MCPH1: variants seen among roughly 807,000 people sequenced by gnomAD.
The protein encoded by MCPH1 is microcephalin 1.
MCPH1 carries 104 observed loss-of-function variants against 84.5 expected under a neutral mutation model. The observed-to-expected ratio is 1.23, with a 90% CI of 1.05 to 1.45. The LOEUF (loss-of-function observed/expected upper bound fraction) is 1.45, where lower values mean the gene tolerates loss of function less well. MCPH1 is among the 40% of genes most tolerant of loss of function. The pLI is 0.00. For synonymous variants in MCPH1, 514 were observed against 366.8 expected, an observed-to-expected ratio of 1.40 and a Z score of -4.58; for missense variants, 1,498 against 1,005.7, an observed-to-expected ratio of 1.49 and a Z score of -6.62.
chr8:6,412,113 G>A (rs1362630928), intron 2 of MCPH1, among the ~76,000 whole-genome samples: 1 of 152,174 alleles, frequency 6.6e-6, no homozygotes, highest in African/African-American at 2.4e-5. Flanking sequence ...TAAGAGCCTT[G>A]TTTGACCTCC....
intron 12 of MCPH1, among the ~76,000 whole-genome samples, chr8:6,595,846 G>T (rs1182210161): frequency 6.6e-6 from 1 of 152,176 alleles, no homozygotes; most frequent in Admixed American, 6.5e-5. Context: ...AATTGGGCAG[G>T]CAACGGCCCT....
rs74552201 is a variant in MCPH1, at chr8:6,553,793, C to G, written c.2214+53864C>G. Among the ~76,000 whole-genome samples, 861 of 152,018 alleles carry G rather than the reference C, an allele frequency of 5.7e-3. 14 individuals are homozygous for G. The highest frequency in any genetic ancestry group is 0.053 in the East Asian group (272 of 5,160). On this transcript the variant is annotated intron_variant, in intron 12 of 13. Coordinates refer to ENST00000344683, the MANE Select transcript of MCPH1 (RefSeq NM_024596.5). Reference sequence around the variant, plus strand: ...TTTTGGGACTTCTTGAGCAGAAAAGCGAATGTCAGACGGTCCTTATAAAGT... The same window carrying G: ...TTTTGGGACTTCTTGAGCAGAAAAGGGAATGTCAGACGGTCCTTATAAAGT...
intron 3 of MCPH1, among the ~76,000 whole-genome samples, chr8:6,421,542 A>G (rs1800200116): frequency 6.6e-6 from 1 of 152,046 alleles, no homozygotes; most frequent in South Asian, 2.1e-4. Context: ...AGAATGGTTA[A>G]GAGAAAAAAA....
chr8:6,466,598 C>G (rs1005183780), intron 9 of MCPH1, among the ~76,000 whole-genome samples: 1 of 152,160 alleles, frequency 6.6e-6, no homozygotes, highest in Non-Finnish European at 1.5e-5. Flanking sequence ...TGAGCCACCA[C>G]GCGCAGCCCT....
intron 11 of MCPH1, among the ~76,000 whole-genome samples, chr8:6,492,720 T>C (rs981835129): frequency 2.8e-4 from 37 of 132,228 alleles, no homozygotes; most frequent in Non-Finnish European, 5.4e-4. Context: ...TATTTTATAT[T>C]AAATTATCAA....
intron 12 of MCPH1, among the ~76,000 whole-genome samples, chr8:6,592,598 G>C (rs6993124): frequency 0.23 from 32,555 of 143,698 alleles, 3,949 homozygotes; most frequent in Middle Eastern, 0.32. Context: ...AGTCATCTAG[G>C]CTCTCGTTTT....
At chr8:6,508,818 T>G in intron 12 of MCPH1, 1 of 1,410,924 alleles carries the variant, frequency 7.1e-7, no homozygotes, top group Non-Finnish European at 1.0e-6. Flanking sequence ...TGTGTCTACG[T>G]ATGAAATTGT....
chr8:6,596,615 A>T (rs1307702978), intron 12 of MCPH1, among the ~76,000 whole-genome samples: 3 of 152,052 alleles, frequency 2.0e-5, no homozygotes. Context: ...GTATGAGGGC[A>T]TGATGAGGGG....
chr8:6,561,918 G>A (rs928870851), intron 12 of MCPH1, among the ~76,000 whole-genome samples: 5 of 152,182 alleles, frequency 3.3e-5, no homozygotes, highest in African/African-American at 7.2e-5. Context: ...CAGACAGACC[G>A]TCCTGTCGTG....
chr8:6,524,090 C>G (rs977423643), intron 12 of MCPH1, among the ~76,000 whole-genome samples: 4 of 152,086 alleles, frequency 2.6e-5, no homozygotes, highest in Non-Finnish European at 5.9e-5. Context: ...AAAACAGTGA[C>G]CAGATGTCAG....
At chr8:6,477,744 T>C in intron 10 of MCPH1, 113 bp downstream of exon 10, 1 of 817,962 alleles carries the variant, frequency 1.2e-6, no homozygotes, top group Admixed American at 1.9e-5. Context: ...TCACTTTTAC[T>C]TTATAAAATT....
chr8:6,543,080 C>T (rs949041003), intron 12 of MCPH1, among the ~76,000 whole-genome samples: 6 of 152,116 alleles, frequency 3.9e-5, no homozygotes, highest in Non-Finnish European at 8.8e-5. Flanking sequence ...GGTCCCACTG[C>T]CTCTGGACAG....
chr8:6,633,868 T>C (rs780924426), intron 13 of MCPH1, among the ~76,000 whole-genome samples: 1 of 152,168 alleles, frequency 6.6e-6, no homozygotes, highest in Non-Finnish European at 1.5e-5. Context: ...CAGATCCCCC[T>C]ATGTGTAACA....
chr8:6,591,273 A>C (rs989271011), intron 12 of MCPH1, among the ~76,000 whole-genome samples: 1 of 152,252 alleles, frequency 6.6e-6, no homozygotes, highest in African/African-American at 2.4e-5. Flanking sequence ...CATTGGCTAC[A>C]TGCCTACTTT....
At chr8:6,408,351 C>A (rs375378505) in intron 1 of MCPH1, among the ~76,000 whole-genome samples, 1 of 152,060 alleles carries the variant, frequency 6.6e-6, no homozygotes. Context: ...GGACTACAGG[C>A]ACTACCACGC....
intron 13 of MCPH1, among the ~76,000 whole-genome samples, chr8:6,640,106 G>A (rs1047076245): frequency 1.5e-4 from 18 of 119,016 alleles, no homozygotes; most frequent in African/African-American, 4.4e-4. Flanking sequence ...GTGCGCGCGC[G>A]TGTGTGTGTG....
At chr8:6,563,871 C>G (rs1034849844) in intron 12 of MCPH1, among the ~76,000 whole-genome samples, 2 of 151,902 alleles carry the variant, frequency 1.3e-5, no homozygotes, top group African/African-American at 4.8e-5. Flanking sequence ...TTTAAAAAAA[C>G]TCCACTTGGA....
intron 3 of MCPH1, among the ~76,000 whole-genome samples, chr8:6,417,407 ACT>A (rs1799473265): frequency 4.1e-5 from 1 of 24,112 alleles, no homozygotes; most frequent in Non-Finnish European, 3.2e-4. Context: ...AGCAAACTTT[ACT>A]TATAAGTCTG....
chr8:6,627,852 A>T (rs1796860173), intron 13 of MCPH1, among the ~76,000 whole-genome samples: 1 of 152,102 alleles, frequency 6.6e-6, no homozygotes. Context: ...TGATCATGCC[A>T]TTGCACTCCA....
Sources: gnomAD v4.1 joint callset for allele counts (sites outside exome capture counted in the v4.1 genomes callset) on GRCh38, gnomAD v4.1.1 for gene constraint, MANE v1.5 for transcripts, NCBI Gene and HGNC (gene_info 2026-07-23, HGNC 2026-07-21) for gene names.